Variants in ST14 observed in about 807,000 individuals in gnomAD.
The protein encoded by ST14 is suppressor of tumorigenicity 14 protein.
Under a neutral mutation model 96.5 loss-of-function variants are expected in ST14, and 40 were observed. The ratio of observed to expected loss-of-function variants is 0.41; its 90% CI spans 0.32 to 0.54. ST14 has a LOEUF of 0.54. Among genes scored for constraint, ST14 ranks in the 20% least tolerant of loss-of-function variants. The pLI is 0.17. For synonymous variants in ST14, 506 were observed against 492.1 expected (o/e 1.03, Z -0.37); for missense variants, 1,066 against 1,188.9 (o/e 0.90, Z 1.52).
intron 16 of ST14, among the ~76,000 whole-genome samples, chr11:130,203,917 G>C (rs1051399861): frequency 1.3e-4 from 20 of 152,242 alleles, no homozygotes; most frequent in African/African-American, 4.8e-4. Context: ...GCCTCCCAAA[G>C]TGCTGGGATT....
At chr11:130,190,799 G>C in intron 7 of ST14, 105 bp downstream of exon 7, 1 of 1,390,426 alleles carries the variant, frequency 7.2e-7, no homozygotes, top group Non-Finnish European at 9.5e-7. Flanking sequence ...CTTGGCCGCA[G>C]GCCACTGCTA....
chr11:130,197,237 A>G (rs1317077101), intron 11 of ST14, among the ~76,000 whole-genome samples: 1 of 152,220 alleles, frequency 6.6e-6, no homozygotes, highest in Non-Finnish European at 1.5e-5. Flanking sequence ...CTCACCACCA[A>G]AAGTACACTT....
At position 130,196,342 on chromosome 11, in the gene ST14, C is replaced by G. The variant is rs1217695701; in HGVS notation, c.1117C>G (p.Pro373Ala). ...NIDCTWNIEV[P>A]NNQHVKVRFK... is the part of the protein sequence containing the mutation. ...CCAGCAGCCTCTCTTCCCTCAGGTGCCCAACAACCAGCATGTGAAGGTGCG... is the reference window on the plus strand; with the variant it reads ...CCAGCAGCCTCTCTTCCCTCAGGTGGCCAACAACCAGCATGTGAAGGTGCG... Residue 373 changes from proline to alanine, a missense_variant, in exon 10 of 19, where the codon CCC becomes GCC. Transcript: ENST00000278742. 1 of 1,587,370 alleles carries G rather than the reference C, an allele frequency of 6.3e-7. No homozygotes were observed. Among genetic ancestry groups the G allele is most frequent in the Non-Finnish European group, 8.6e-7 (1 of 1,166,816 alleles).
chr11:130,194,658 G>T lies in ST14; in HGVS notation c.1034G>T (p.Arg345Leu), dbSNP rs146924713. The change falls in exon 9 of 19, where the codon CGT (arginine) becomes CTT (leucine). Residue 345 changes from arginine (R) to leucine (L), a missense_variant. By Grantham distance (102) the Arg-to-Leu change is moderately radical (BLOSUM62 -2). Transcript: ENST00000278742. Reference protein sequence around the residue: ...PRMSSCGGRLRKAQGTFNSPY... With the variant: ...PRMSSCGGRLLKAQGTFNSPY... ...CTCTCAGGCTGTGGAGGCCGCTTAC[G>T]TAAAGCCCAGGGGACATTCAACAGC... is the stretch of plus-strand genomic sequence containing the variant. 3.1e-6 allele frequency: 5 copies of T among 1,614,020 alleles called. No homozygotes were observed. Among genetic ancestry groups the T allele is most frequent in the Non-Finnish European group, 4.2e-6 (5 of 1,180,022 alleles).
chr11:130,163,340 A>G (rs559047615), intron 1 of ST14, among the ~76,000 whole-genome samples: 1 of 152,328 alleles, frequency 6.6e-6, no homozygotes, highest in South Asian at 2.1e-4. Flanking sequence ...CTATGAAAAG[A>G]AAATGTGTGC....
At chr11:130,203,148 C>T (rs969920206) in intron 16 of ST14, among the ~76,000 whole-genome samples, 4 of 152,036 alleles carry the variant, frequency 2.6e-5, no homozygotes, top group Non-Finnish European at 5.9e-5. Flanking sequence ...ACAGGGCGGG[C>T]TTGGAGGAGG....
At position 130,209,838 on chromosome 11, in the gene ST14, C is replaced by T. The variant is rs202054919; in HGVS notation, c.*15C>T. The T allele has an allele frequency of 6.2e-7, 1 of 1,612,388 alleles. No individual in the cohort carries two copies. Among genetic ancestry groups the T allele is most frequent in the Non-Finnish European group, 8.5e-7 (1 of 1,179,972 alleles). On this transcript the variant is annotated 3_prime_UTR_variant, in exon 19 of 19. Transcript: ENST00000278742. Reference sequence around the variant, plus strand: ...CTGGGGTATAGGGGCCGGGGCCACCCAAATGTGTACACCTGCGGGGCCACC... The same window carrying T: ...CTGGGGTATAGGGGCCGGGGCCACCTAAATGTGTACACCTGCGGGGCCACC...
chr11:130,163,142 C>T (rs1369972487), intron 1 of ST14, among the ~76,000 whole-genome samples: 1 of 152,108 alleles, frequency 6.6e-6, no homozygotes, highest in African/African-American at 2.4e-5. Flanking sequence ...AGTAGGTCGC[C>T]TGTCGAGAGG....
At chr11:130,196,973 C>A (rs1181171010) in intron 11 of ST14, among the ~76,000 whole-genome samples, 20 of 152,104 alleles carry the variant, frequency 1.3e-4, no homozygotes, top group Non-Finnish European at 8.8e-5. Context: ...ATCTGAGCTT[C>A]CCCGGCCATC....
intron 4 of ST14, 108 bp downstream of exon 4, chr11:130,189,047 C>A: frequency 1.6e-6 from 2 of 1,240,312 alleles, no homozygotes; most frequent in South Asian, 1.3e-5. Flanking sequence ...GAGGTCCTGG[C>A]CTGGAGAGCC....
intron 18 of ST14, 21 bp from the exon 19 acceptor site, chr11:130,209,641 G>T: frequency 6.3e-7 from 1 of 1,590,686 alleles, no homozygotes; most frequent in Middle Eastern, 1.7e-4. Context: ...GGGACTCACG[G>T]CAGGGCTTGT....
At chr11:130,177,020 G>A (rs755045622) in intron 1 of ST14, among the ~76,000 whole-genome samples, 2 of 150,562 alleles carry the variant, frequency 1.3e-5, no homozygotes, top group African/African-American at 4.9e-5. Flanking sequence ...AGATGATCTC[G>A]ATCTCCTGAC....
chr11:130,208,602 C>A lies in ST14; in HGVS notation c.2187C>A (p.Pro729=), dbSNP rs775222628. 9.9e-6 allele frequency: 16 copies of A among 1,613,994 alleles called. No homozygotes were observed. In the African/African-American group the frequency reaches 1.7e-4, roughly 17 times the overall value. ...KPAEYSSMVR[P]ICLPDASHVF... is the part of the protein sequence containing the mutation. ...CAGAGTACAGCTCCATGGTGCGGCC[C>A]ATCTGCCTGCCGGACGCCTCCCATG... Residue 729 remains proline, a synonymous_variant, in exon 17 of 19, where the codon CCC becomes CCA. Transcript: ENST00000278742.
Position 130,209,917 on chromosome 11 carries a change from C to A in ST14, c.*94C>A. The A allele has an allele frequency of 6.8e-7, 1 of 1,462,372 alleles. No individual in the cohort carries two copies. The highest frequency in any genetic ancestry group is 1.4e-5 in the African/African-American group (1 of 72,340). 90.6% of individuals were successfully genotyped at this position (1,462,372 alleles called of 1,614,324 possible). On this transcript the variant is annotated 3_prime_UTR_variant, in exon 19 of 19. Transcript: ENST00000278742. The stretch of plus-strand genomic sequence containing the variant: ...AGGCTGGAGACTGGACCGCTGACTG[C>A]ACCAGCGCCCCCAGAACATACACTG...
intron 16 of ST14, among the ~76,000 whole-genome samples, 175 bp from the exon 17 acceptor site, chr11:130,208,235 G>A (rs531282016): frequency 1.2e-4 from 19 of 152,372 alleles, no homozygotes; most frequent in African/African-American, 3.8e-4. Context: ...TGCAGCTGGA[G>A]GCACTTAGTA....
intron 1 of ST14, among the ~76,000 whole-genome samples, chr11:130,183,869 G>A (rs1953215504): frequency 6.6e-6 from 1 of 152,130 alleles, no homozygotes; most frequent in African/African-American, 2.4e-5. Context: ...GCCTGAAATT[G>A]GAGACACCCC....
intron 16 of ST14, among the ~76,000 whole-genome samples, chr11:130,207,511 T>C (rs190858354): frequency 2.6e-4 from 40 of 152,196 alleles, no homozygotes; most frequent in Non-Finnish European, 4.7e-4. Context: ...AGATCACACC[T>C]CTGTACTCCA....
At chr11:130,178,610 T>A (rs944660037) in intron 1 of ST14, among the ~76,000 whole-genome samples, 3 of 152,176 alleles carry the variant, frequency 2.0e-5, no homozygotes, top group Non-Finnish European at 4.4e-5. Flanking sequence ...CCTGGGGGAC[T>A]TTCCTTCAGG....
chr11:130,179,971 C>T (rs1953175566), intron 1 of ST14, among the ~76,000 whole-genome samples: 2 of 152,226 alleles, frequency 1.3e-5, no homozygotes, highest in Admixed American at 6.5e-5. Flanking sequence ...GAAACCCTTG[C>T]AGGTGCTCGG....
Sources: allele counts gnomAD v4.1 joint callset (sites outside exome capture counted in the v4.1 genomes callset), GRCh38; gene constraint gnomAD v4.1.1; transcripts MANE v1.5; gene names NCBI Gene and HGNC (gene_info 2026-07-23, HGNC 2026-07-21).